Variants in CHST8 observed in about 807,000 individuals in gnomAD.
The protein encoded by CHST8 is carbohydrate sulfotransferase 8, also known as GALNAC-4-ST1.
CHST8 carries 10 observed loss-of-function variants against 15.0 expected under a neutral mutation model. The ratio of observed to expected loss-of-function variants is 0.67; its 90% confidence interval spans 0.41 to 1.13. The LOEUF (loss-of-function observed/expected upper bound fraction) is 1.13. Ranked by LOEUF, CHST8 falls within the 50% of genes most tolerant of loss-of-function variation. The pLI, the probability that CHST8 is intolerant of heterozygous loss-of-function variation, is 0.00. For missense variants in CHST8, 634 were observed against 608.2 expected, an observed-to-expected ratio of 1.04 and a Z score of -0.45; for synonymous variants, 259 against 256.6, an observed-to-expected ratio of 1.01 and a Z score of -0.09.
chr19:33,717,516 C>T (rs975890637), intron 3 of CHST8, among the ~76,000 whole-genome samples: 10 of 152,004 alleles, frequency 6.6e-5, no homozygotes, highest in African/African-American at 2.4e-4. Flanking sequence ...ACTCAAGAGT[C>T]GTGTGGTGGG....
chr19:33,722,428 G>T (rs949994922), intron 3 of CHST8, among the ~76,000 whole-genome samples: 1 of 152,162 alleles, frequency 6.6e-6, no homozygotes, highest in African/African-American at 2.4e-5. Flanking sequence ...GGGAGGCAAA[G>T]ATTTGTTGGT....
intron 3 of CHST8, among the ~76,000 whole-genome samples, chr19:33,756,541 G>A (rs1164532628): frequency 6.6e-6 from 1 of 152,114 alleles, no homozygotes; most frequent in East Asian, 1.9e-4. Context: ...CCTGTCTGGG[G>A]GTCCTGGCAG....
At chr19:33,760,825 A>G (rs775094751) in intron 3 of CHST8, among the ~76,000 whole-genome samples, 1 of 152,160 alleles carries the variant, frequency 6.6e-6, no homozygotes, top group Non-Finnish European at 1.5e-5. Flanking sequence ...AAAGTCCTCC[A>G]TGGCTGCCAT....
chr19:33,688,810 C>T (rs763393173), intron 2 of CHST8, among the ~76,000 whole-genome samples: 5 of 152,142 alleles, frequency 3.3e-5, no homozygotes, highest in East Asian at 1.9e-4. Flanking sequence ...CCTAGGCCCC[C>T]GCCCTGGGAG....
chr19:33,757,532 GAA>G lies in CHST8; in HGVS notation c.131-13879_131-13878del, dbSNP rs777149743. On this transcript the variant is annotated intron_variant, in intron 3 of 4. Transcript: ENST00000650847. Reference sequence around the variant, plus strand: ...AAAGAAAGAAAGAAAGAGAAAGAAAGAAAGAAAGAAAGAAAGAAAGAAAGAAA... The same window carrying G: ...AAAGAAAGAAAGAAAGAGAAAGAAAGAGAAAGAAAGAAAGAAAGAAAGAAA... Among the ~76,000 whole-genome samples the G allele has an allele frequency of 6.8e-4, 32 of 46,920 alleles. 3 individuals carry two copies. The highest frequency in any genetic ancestry group is 0.022 in the Middle Eastern group (2 of 90). The allele number at this position is 46,920 out of a possible 152,430, so 30.8% of individuals were successfully genotyped here.
At chr19:33,748,303 A>C (rs1974351531) in intron 3 of CHST8, among the ~76,000 whole-genome samples, 1 of 152,228 alleles carries the variant, frequency 6.6e-6, no homozygotes, top group Non-Finnish European at 1.5e-5. Flanking sequence ...TGCAGGACCT[A>C]ATGGGTCCGA....
At chr19:33,757,605 A>AAAGGAAGG (rs1365725815) in intron 3 of CHST8, among the ~76,000 whole-genome samples, 6 of 112,922 alleles carry the variant, frequency 5.3e-5, no homozygotes, top group African/African-American at 2.2e-4. Context: ...AGAAAGAAAG[A>AAAGGAAGG]GCCGGCCATT....
At chr19:33,741,166 A>G (rs759943968) in intron 3 of CHST8, among the ~76,000 whole-genome samples, 2 of 152,126 alleles carry the variant, frequency 1.3e-5, no homozygotes, top group Non-Finnish European at 2.9e-5. Flanking sequence ...GCTGTCAATC[A>G]TGCTCTGAGG....
chr19:33,649,986 AG>A (rs1972412861), intron 1 of CHST8, among the ~76,000 whole-genome samples: 1 of 152,216 alleles, frequency 6.6e-6, no homozygotes, highest in Non-Finnish European at 1.5e-5. Flanking sequence ...TAGTATAAAA[AG>A]TGTAGGGGTG....
chr19:33,633,774 CGTGTGTGTGTGTGTGT>C (rs55655047), intron 1 of CHST8, among the ~76,000 whole-genome samples: 13 of 141,078 alleles, frequency 9.2e-5, no homozygotes, highest in Non-Finnish European at 1.5e-4. Flanking sequence ...TTTTCTTTTT[CGTGTGTGTGTGTGTGT>C]GTGTGTGTGT....
At chr19:33,633,859 C>T (rs555293621) in intron 1 of CHST8, among the ~76,000 whole-genome samples, 18 of 150,486 alleles carry the variant, frequency 1.2e-4, no homozygotes, top group East Asian at 5.9e-4. Flanking sequence ...AGGGTAGTGA[C>T]GTGATCATGG....
chr19:33,755,989 G>C (rs1016891721), intron 3 of CHST8, among the ~76,000 whole-genome samples: 2 of 152,262 alleles, frequency 1.3e-5, no homozygotes, highest in South Asian at 4.1e-4. Context: ...CTGTCTTCCA[G>C]GAGCCCAGTA....
At chr19:33,746,232 G>A (rs1338909832) in intron 3 of CHST8, among the ~76,000 whole-genome samples, 1 of 152,126 alleles carries the variant, frequency 6.6e-6, no homozygotes, top group East Asian at 1.9e-4. Flanking sequence ...TTTGATTGAG[G>A]TGTAATTTAT....
At chr19:33,652,947 A>G (rs1972468589) in intron 1 of CHST8, among the ~76,000 whole-genome samples, 1 of 152,204 alleles carries the variant, frequency 6.6e-6, no homozygotes, top group South Asian at 2.1e-4. Context: ...ATCTTGGAAC[A>G]CTTTAATTCT....
intron 3 of CHST8, among the ~76,000 whole-genome samples, chr19:33,730,937 G>A (rs1297621121): frequency 1.3e-5 from 2 of 152,212 alleles, no homozygotes; most frequent in African/African-American, 2.4e-5. Flanking sequence ...AGGGCAGGAA[G>A]CATCCAGCAC....
At chr19:33,755,473 T>C (rs1974527971) in intron 3 of CHST8, among the ~76,000 whole-genome samples, 1 of 152,200 alleles carries the variant, frequency 6.6e-6, no homozygotes, top group Non-Finnish European at 1.5e-5. Flanking sequence ...TGAGCAGCAG[T>C]GAATCACCTC....
At chr19:33,734,675 G>A (rs566762315) in intron 3 of CHST8, among the ~76,000 whole-genome samples, 2 of 152,266 alleles carry the variant, frequency 1.3e-5, no homozygotes, top group Admixed American at 6.5e-5. Flanking sequence ...CTTTCTCAGT[G>A]CCCAGGCCAG....
At chr19:33,689,086 G>T in intron 2 of CHST8, 90 bp from the exon 3 acceptor site, 1 of 603,538 alleles carries the variant, frequency 1.7e-6, no homozygotes, top group South Asian at 3.7e-5. Flanking sequence ...GTCATCCGGG[G>T]ATTGCACTTG....
chr19:33,699,212 G>A (rs911665901), intron 3 of CHST8, among the ~76,000 whole-genome samples: 1 of 152,164 alleles, frequency 6.6e-6, no homozygotes, highest in Admixed American at 6.5e-5. Flanking sequence ...CCGCTTAGCT[G>A]TACCGAGGCA....
Sources: gnomAD v4.1 joint callset for allele counts (sites outside exome capture counted in the v4.1 genomes callset) on GRCh38, gnomAD v4.1.1 for gene constraint, MANE v1.5 for transcripts, NCBI Gene and HGNC (gene_info 2026-07-23, HGNC 2026-07-21) for gene names.